NME4: variants seen among roughly 807,000 people sequenced by gnomAD.
NME4 encodes nucleoside diphosphate kinase D, mitochondrial.
NME4 carries 21 observed loss-of-function variants against 16.4 expected under a neutral mutation model. The observed-to-expected ratio is 1.28, with a 90% CI of 0.91 to 1.84. NME4 has a LOEUF of 1.84. NME4 is among the 40% of genes most tolerant of loss of function. The probability of loss-of-function intolerance (pLI) is 0.00; values close to 1 mark genes in which losing one functional copy is unlikely to be tolerated. For synonymous variants in NME4, 132 were observed against 107.5 expected (o/e 1.23, Z -1.41); for missense variants, 316 against 261.3 (o/e 1.21, Z -1.44).
rs181596048 is a variant in NME4 at position 399,624 on chromosome 16, C to A, written c.328-3C>A. On this transcript the variant is annotated splice_region_variant and splice_polypyrimidine_tract_variant and intron_variant, in intron 3 of 4. Coordinates refer to ENST00000219479, the MANE Select transcript of NME4 (RefSeq NM_005009.3). The stretch of plus-strand genomic sequence containing the variant: ...TCTCCCCAACCATTATCTCTCGCTG[C>A]AGGTCTGGGAAGGGTACAATGTCGT... The A allele has an allele frequency of 1.9e-4, 301 of 1,612,266 alleles. 3 individuals carry two copies. The East Asian group carries it at 6.2e-3, about 33-fold the overall frequency.
At chr16:397,802 C>G in intron 1 of NME4, 1 of 1,407,424 alleles carries the variant, frequency 7.1e-7, no homozygotes, top group South Asian at 1.3e-5. Flanking sequence ...CTGACTGGGA[C>G]GTCAGGCCCC....
At chr16:399,992 G>C in intron 4 of NME4, 2 of 706,188 alleles carry the variant, frequency 2.8e-6, no homozygotes, top group East Asian at 2.7e-5. Flanking sequence ...GGGCAACTTG[G>C]GGGGAAATGA....
At chr16:397,366 C>A in intron 1 of NME4, 53 bp downstream of exon 1, 1 of 712,900 alleles carries the variant, frequency 1.4e-6, no homozygotes, top group Non-Finnish European at 1.7e-6. Context: ...AAGGGGCGCG[C>A]GCCGCTCGGC....
At chr16:400,119 G>A in intron 4 of NME4, 100 bp from the exon 5 acceptor site, 1 of 1,516,784 alleles carries the variant, frequency 6.6e-7, no homozygotes, top group East Asian at 2.3e-5. Flanking sequence ...TCACAGGCTT[G>A]CTCCCCTAGA....
chr16:400,442 T>C lies in NME4; in HGVS notation c.*100T>C. 1.4e-6 allele frequency: 2 copies of C among 1,456,620 alleles called. No individual in the cohort carries two copies. Among genetic ancestry groups the C allele is most frequent in the South Asian group, 2.6e-5 (2 of 75,726 alleles). The allele number at this position is 1,456,620 out of a possible 1,614,324, so 90.2% of individuals were successfully genotyped here. On this transcript the variant is annotated 3_prime_UTR_variant, in exon 5 of 5. Coordinates refer to ENST00000219479, the MANE Select transcript of NME4 (RefSeq NM_005009.3). ...TCCAAACCTGCCTGTCCCAAACCAC[T>C]TACTTCCCTGTTCACCTCTGCCCCA...
At chr16:399,851 G>T (rs2054621559) in intron 4 of NME4, 112 bp downstream of exon 4, 1 of 867,674 alleles carries the variant, frequency 1.2e-6, no homozygotes. Flanking sequence ...ATGAAGCCAG[G>T]TCGGACATGA....
chr16:399,134 T>G lies in NME4; in HGVS notation c.225+11T>G, dbSNP rs2054606658. The G allele has an allele frequency of 6.3e-7, 1 of 1,595,334 alleles. No individual in the cohort carries two copies. The highest frequency in any genetic ancestry group is 1.3e-5 in the African/African-American group (1 of 74,722). On this transcript the variant is annotated intron_variant, in intron 2 of 4. Transcript: ENST00000219479. ...ATGAAGATGCTGCAGGTAGTGGGAC[T>G]CTGGGCTTGTGGGTGTCCCTGTGGG...
At chr16:399,510 C>T (rs746484401) in intron 3 of NME4, 30 bp downstream of exon 3, 1 of 1,606,432 alleles carries the variant, frequency 6.2e-7, no homozygotes, top group Admixed American at 1.7e-5. Context: ...GTGGAAGGGC[C>T]TGTGGGTAAA....
At chr16:399,278 C>A in intron 2 of NME4, 101 bp from the exon 3 acceptor site, 1 of 1,400,030 alleles carries the variant, frequency 7.1e-7, no homozygotes, top group Non-Finnish European at 1.0e-6. Context: ...GCTGCCCATG[C>A]TGGTGTTATC....
chr16:400,204 C>T lies in NME4; in HGVS notation c.441-15C>T. The T allele has an allele frequency of 6.2e-7, 1 of 1,610,768 alleles. No homozygotes were observed. The highest frequency in any genetic ancestry group is 8.5e-7 in the Non-Finnish European group (1 of 1,178,582). ...CATGAAGCCTGAGCCTCACATTGCT[C>T]CTGTCCTGGCACAGGAATGTCATCC... On this transcript the variant is annotated splice_polypyrimidine_tract_variant and intron_variant, in intron 4 of 4. Coordinates refer to ENST00000219479, the MANE Select transcript of NME4 (RefSeq NM_005009.3).
At chr16:398,340 T>G in intron 1 of NME4, 1 of 1,297,298 alleles carries the variant, frequency 7.7e-7, no homozygotes, top group Non-Finnish European at 1.0e-6. Context: ...ACCTTCCCTC[T>G]TCAATCTTCA....
Position 398,972 on chromosome 16 carries a change from A to T in NME4, c.92-18A>T. ...AAAGGGTGAGGTGGCAGTGCCTCTG[A>T]CCTCTTGCCTTTTGAAGGAGGGCCC... On this transcript the variant is annotated intron_variant, in intron 1 of 4. Transcript: ENST00000219479. 1 of 1,609,060 alleles carries T rather than the reference A, an allele frequency of 6.2e-7. No individual in the cohort carries two copies. Among genetic ancestry groups the T allele is most frequent in the Non-Finnish European group, 8.5e-7 (1 of 1,179,738 alleles).
Position 399,374 on chromosome 16 carries a change from C to G in NME4, c.226-5C>G, listed in dbSNP as rs1780282351. ...GCGGCTCCTCCTTACCTCAATGCCACCCAGGCACCAGAGAGCGTCCTTGCC... is the reference window on the plus strand; with the variant it reads ...GCGGCTCCTCCTTACCTCAATGCCAGCCAGGCACCAGAGAGCGTCCTTGCC... On this transcript the variant is annotated splice_region_variant and splice_polypyrimidine_tract_variant and intron_variant, in intron 2 of 4. Coordinates refer to ENST00000219479, the MANE Select transcript of NME4 (RefSeq NM_005009.3). 1 of 1,612,650 alleles carries G rather than the reference C, an allele frequency of 6.2e-7. No individual in the cohort carries two copies. Among genetic ancestry groups the G allele is most frequent in the Admixed American group, 1.7e-5 (1 of 60,006 alleles).
rs768364420 is a variant in NME4 at position 399,385 on chromosome 16, G to C, written c.232G>C (p.Glu78Gln). 1.2e-6 allele frequency: 2 copies of C among 1,612,948 alleles called. No individual in the cohort carries two copies. The highest frequency in any genetic ancestry group is 1.1e-5 in the South Asian group (1 of 91,080). Reference protein sequence around the residue: ...LVGMKMLQAPESVLAEHYQDL... With the variant: ...LVGMKMLQAPQSVLAEHYQDL... ...TTACCTCAATGCCACCCAGGCACCA[G>C]AGAGCGTCCTTGCCGAGCACTACCA... The change falls in exon 3 of 5, where the codon GAG becomes CAG. Residue 78 changes from glutamate to glutamine, a missense_variant. Transcript: ENST00000219479.
chr16:400,172 G>C, intron 4 of NME4, 47 bp from the exon 5 acceptor site: 1 of 1,612,124 alleles, frequency 6.2e-7, no homozygotes, highest in East Asian at 2.2e-5. Context: ...GGATTCCTCA[G>C]GGTGCACATG....
chr16:398,170 C>G (rs1467396813), intron 1 of NME4: 23 of 1,517,430 alleles, frequency 1.5e-5, no homozygotes, highest in Non-Finnish European at 2.0e-5. Context: ...CAGCCTGGGA[C>G]TATAGGAAGG....
Position 399,647 on chromosome 16 carries a change from C to T in NME4, c.348C>T (p.Val116=), listed in dbSNP as rs775519232. The change falls in exon 4 of 5, where the codon GTC becomes GTT. Residue 116 remains valine, a synonymous_variant. Coordinates refer to ENST00000219479, the MANE Select transcript of NME4 (RefSeq NM_005009.3). ...VVAMVWEGYN[V]VRASRAMIGH... ...TGCAGGTCTGGGAAGGGTACAATGT[C>T]GTCCGCGCCTCGAGGGCCATGATTG... The T allele has an allele frequency of 6.6e-5, 107 of 1,613,038 alleles. No individual in the cohort carries two copies. The highest frequency in any genetic ancestry group is 7.9e-5 in the Non-Finnish European group (93 of 1,179,920).
At position 398,270 on chromosome 16, in the gene NME4, C is replaced by A. The variant is rs1292238505; in HGVS notation, c.92-720C>A. On this transcript the variant is annotated intron_variant, in intron 1 of 4. Coordinates refer to ENST00000219479, the MANE Select transcript of NME4 (RefSeq NM_005009.3). Reference sequence around the variant, plus strand: ...GCGCTGACCCTGGGTCTGGAAGCGACAGGCCTTGAAACTCCACAGCAGCAC... The same window carrying A: ...GCGCTGACCCTGGGTCTGGAAGCGAAAGGCCTTGAAACTCCACAGCAGCAC... The A allele has an allele frequency of 5.1e-6, 7 of 1,383,286 alleles. 1 individual carries two copies. Among genetic ancestry groups the A allele is most frequent in the South Asian group, 2.5e-5 (2 of 81,028 alleles). The allele number at this position is 1,383,286 out of a possible 1,614,324, so 85.7% of individuals were successfully genotyped here. A position where few individuals can be genotyped will look rare whatever the true frequency, so the allele number is the denominator to read the frequency against.
rs2054603750 is a variant in NME4 at position 399,007 on chromosome 16, CG to C, written c.112del (p.Glu38SerfsTer7). The C allele has an allele frequency of 6.2e-7, 1 of 1,610,266 alleles. No individual in the cohort carries two copies. The highest frequency in any genetic ancestry group is 8.5e-7 in the Non-Finnish European group (1 of 1,179,868). On this transcript the variant is annotated frameshift_variant, in exon 2 of 5. Transcript: ENST00000219479. LOFTEE classifies it high-confidence loss of function. The part of the protein sequence containing the change: ...RHGSGGPSWT[R>X]ERTLVAVKPD... ...TTTTGAAGGAGGGCCCTCCTGGACC[CG>C]GGAGCGGACCCTGGTGGCGGTGAAG...
Sources: allele counts gnomAD v4.1 joint callset, GRCh38; gene constraint gnomAD v4.1.1; transcripts MANE v1.5; gene names NCBI Gene and HGNC (gene_info 2026-07-23, HGNC 2026-07-21).